Variants in RTN4RL1 observed in about 807,000 individuals in gnomAD.
The protein encoded by RTN4RL1 is reticulon 4 receptor like 1.
RTN4RL1 carries 7 observed loss-of-function variants against 25.6 expected under a neutral mutation model. The observed-to-expected ratio is 0.27, with a 90% CI of 0.16 to 0.51. The LOEUF is 0.51. RTN4RL1 is among the 20% of genes least tolerant of loss of function. RTN4RL1 has a pLI of 0.97. For synonymous variants in RTN4RL1, 297 were observed against 288.2 expected, an observed-to-expected ratio of 1.03 and a Z score of -0.31; for missense variants, 500 against 615.6, an observed-to-expected ratio of 0.81 and a Z score of 1.99.
At chr17:2,022,448 G>A (rs1482301892) in intron 1 of RTN4RL1, among the ~76,000 whole-genome samples, 2 of 152,144 alleles carry the variant, frequency 1.3e-5, no homozygotes, top group Non-Finnish European at 2.9e-5. Context: ...CACCACACCT[G>A]GCCTCCTGTA....
chr17:1,942,058 C>T (rs1915448940), intron 1 of RTN4RL1, among the ~76,000 whole-genome samples: 1 of 152,178 alleles, frequency 6.6e-6, no homozygotes, highest in South Asian at 2.1e-4. Context: ...GCACCCCTCC[C>T]ACCAGCCTCC....
At chr17:2,014,889 T>C (rs1353089928) in intron 1 of RTN4RL1, among the ~76,000 whole-genome samples, 2 of 150,590 alleles carry the variant, frequency 1.3e-5, no homozygotes, top group Admixed American at 6.6e-5. Context: ...TCGGTAGACC[T>C]GGAGCTCAGA....
At chr17:1,964,788 C>CTTTTTTTTTTT (rs34138766) in intron 1 of RTN4RL1, among the ~76,000 whole-genome samples, 8 of 124,712 alleles carry the variant, frequency 6.4e-5, no homozygotes, top group Admixed American at 8.6e-5. Flanking sequence ...CTTTTCTTTT[C>CTTTTTTTTTTT]TTTTTTTTTT....
intron 1 of RTN4RL1, among the ~76,000 whole-genome samples, chr17:1,952,578 C>T (rs1034591208): frequency 1.3e-5 from 2 of 150,784 alleles, no homozygotes; most frequent in Non-Finnish European, 3.0e-5. Flanking sequence ...CTCCTGACCT[C>T]GTGATCCACC....
rs1915422680 is a variant in RTN4RL1, at chr17:1,940,780, G to A, written c.14-2972C>T. 3.3e-5 allele frequency among the ~76,000 whole-genome samples: 5 copies of A among 152,246 alleles called. No individual in the cohort carries two copies. The South Asian group carries it at 1.0e-3, about 32-fold the overall frequency. On this transcript the variant is annotated intron_variant, in intron 1 of 1. Transcript: ENST00000331238. ...CTCCAGGAAGGTGCTTCCCGCACCTGTAGGAAGCTTCCTCCCCCAGGGAGC... is the reference window on the plus strand; with the variant it reads ...CTCCAGGAAGGTGCTTCCCGCACCTATAGGAAGCTTCCTCCCCCAGGGAGC...
chr17:2,002,677 C>T (rs1198699802), intron 1 of RTN4RL1, among the ~76,000 whole-genome samples: 2 of 152,040 alleles, frequency 1.3e-5, no homozygotes, highest in Non-Finnish European at 2.9e-5. Flanking sequence ...CTCTGTCTCC[C>T]TCTCTCTTCC....
At chr17:1,978,067 C>A (rs1302618796) in intron 1 of RTN4RL1, among the ~76,000 whole-genome samples, 3 of 151,980 alleles carry the variant, frequency 2.0e-5, no homozygotes, top group African/African-American at 7.3e-5. Flanking sequence ...GCTGCACGCA[C>A]CGCAACCCTC....
chr17:2,003,751 A>T (rs2066974497), intron 1 of RTN4RL1: 1 of 152,418 alleles, frequency 6.6e-6, no homozygotes, highest in South Asian at 2.1e-4. Flanking sequence ...GCAGACCAGC[A>T]TTAACTTCGA....
chr17:1,941,560 G>A (rs1487245273), intron 1 of RTN4RL1, among the ~76,000 whole-genome samples: 10 of 152,180 alleles, frequency 6.6e-5, no homozygotes, highest in Non-Finnish European at 1.0e-4. Flanking sequence ...AGCCCCTCCC[G>A]TCCCAGTGCC....
intron 1 of RTN4RL1, among the ~76,000 whole-genome samples, chr17:2,001,178 C>T (rs561198894): frequency 2.0e-4 from 30 of 151,660 alleles, no homozygotes; most frequent in South Asian, 4.2e-4. Flanking sequence ...TGAGCCACCA[C>T]GCCTGGCCTT....
intron 1 of RTN4RL1, among the ~76,000 whole-genome samples, chr17:2,017,412 AC>A (rs1243518874): frequency 6.6e-6 from 1 of 151,418 alleles, no homozygotes; most frequent in African/African-American, 2.4e-5. Context: ...GTGCCCACCC[AC>A]CCCCTGTGAG....
chr17:1,969,756 A>C (rs2066809833), intron 1 of RTN4RL1, among the ~76,000 whole-genome samples: 1 of 152,170 alleles, frequency 6.6e-6, no homozygotes. Flanking sequence ...TGTGTAACAA[A>C]CCACTCTGAA....
chr17:1,987,962 C>T (rs1821972241), intron 1 of RTN4RL1, among the ~76,000 whole-genome samples: 2 of 151,784 alleles, frequency 1.3e-5, no homozygotes, highest in South Asian at 4.2e-4. Context: ...AAAAATTAGC[C>T]GGGTGTGGTG....
At chr17:1,944,632 T>C (rs1391813371) in intron 1 of RTN4RL1, among the ~76,000 whole-genome samples, 1 of 152,072 alleles carries the variant, frequency 6.6e-6, no homozygotes. Context: ...AATTTTTGTA[T>C]TTTTAGTAGA....
intron 1 of RTN4RL1, among the ~76,000 whole-genome samples, chr17:2,022,185 G>A (rs753925187): frequency 3.6e-4 from 54 of 151,972 alleles, no homozygotes; most frequent in Non-Finnish European, 5.1e-4. Context: ...GCATGGTGGC[G>A]TGCACCTGTA....
At chr17:1,991,624 C>A (rs2066909403) in intron 1 of RTN4RL1, among the ~76,000 whole-genome samples, 1 of 152,090 alleles carries the variant, frequency 6.6e-6, no homozygotes, top group South Asian at 2.1e-4. Flanking sequence ...ACAAGCATGT[C>A]TTTTTAGAAC....
Position 1,958,102 on chromosome 17 carries a change from T to C in RTN4RL1, c.14-20294A>G, listed in dbSNP as rs1449322606. Among the ~76,000 whole-genome samples the C allele has an allele frequency of 5.3e-5, 8 of 151,068 alleles. 1 individual carries two copies. The highest frequency in any genetic ancestry group is 2.1e-4 in the South Asian group (1 of 4,752). On this transcript the variant is annotated intron_variant, in intron 1 of 1. Transcript: ENST00000331238. Reference sequence around the variant, plus strand: ...CCGCTACTTGAGAGGCTGAGGAGGATAGCTTGAGCCCAGGAGTTCAAAGGT... The same window carrying C: ...CCGCTACTTGAGAGGCTGAGGAGGACAGCTTGAGCCCAGGAGTTCAAAGGT...
At chr17:1,988,419 AAAG>A (rs2066895950) in intron 1 of RTN4RL1, among the ~76,000 whole-genome samples, 1 of 148,922 alleles carries the variant, frequency 6.7e-6, no homozygotes, top group Non-Finnish European at 1.5e-5. Flanking sequence ...AAAAAAAAAA[AAAG>A]AAAAGAAAAG....
chr17:2,020,549 C>T (rs1375186318), intron 1 of RTN4RL1: 1 of 152,178 alleles, frequency 6.6e-6, no homozygotes, highest in Non-Finnish European at 1.5e-5. Context: ...CCAGACCAGC[C>T]CATCTGCCCG....
Sources: allele counts gnomAD v4.1 joint callset (sites outside exome capture counted in the v4.1 genomes callset), GRCh38; gene constraint gnomAD v4.1.1; transcripts MANE v1.5; gene names NCBI Gene and HGNC (gene_info 2026-07-23, HGNC 2026-07-21).